Variants in ADIPOR2 observed in about 807,000 individuals in gnomAD.
ADIPOR2 encodes the protein adiponectin receptor 2, also known as adiponectin receptor protein 2.
Under a neutral mutation model 40.9 loss-of-function variants are expected in ADIPOR2, and 18 were observed. The ratio of observed to expected loss-of-function variants is 0.44; its 90% CI spans 0.30 to 0.65. The LOEUF is 0.65. Among genes scored for constraint, ADIPOR2 ranks in the 30% least tolerant of loss-of-function variants. The probability of loss-of-function intolerance (pLI) is 0.09; values close to 1 mark genes in which losing one functional copy is unlikely to be tolerated. For missense variants in ADIPOR2, 283 were observed against 479.2 expected, an observed-to-expected ratio of 0.59 and a Z score of 3.82; for synonymous variants, 165 against 166.4, an observed-to-expected ratio of 0.99 and a Z score of 0.06.
Position 1,787,060 on chromosome 12 carries a change from G to A in ADIPOR2, c.*988G>A, listed in dbSNP as rs1453317259. ...CACTTTTATGGGAAGTCTTATTAGA[G>A]GGATGGGACAGTTTTCCATATCCTT... On this transcript the variant is annotated 3_prime_UTR_variant, in exon 8 of 8. Transcript: ENST00000357103. 6.6e-6 allele frequency: 1 copy of A among 152,196 alleles called. No homozygotes were observed. Among genetic ancestry groups the A allele is most frequent in the African/African-American group, 2.4e-5 (1 of 41,424 alleles). 9.4% of individuals were successfully genotyped at this position (152,196 alleles called of 1,614,324 possible).
intron 1 of ADIPOR2, among the ~76,000 whole-genome samples, chr12:1,711,862 A>T (rs2094677972): frequency 6.6e-6 from 1 of 151,946 alleles, no homozygotes. Context: ...TGATTTCCTT[A>T]TGGTATTTAA....
chr12:1,727,859 A>T (rs1414219933), intron 1 of ADIPOR2, among the ~76,000 whole-genome samples: 2 of 124,616 alleles, frequency 1.6e-5, no homozygotes, highest in African/African-American at 2.9e-5. Context: ...AACACTGTTT[A>T]AAAAAAAAAA....
intron 6 of ADIPOR2, among the ~76,000 whole-genome samples, 176 bp from the exon 7 acceptor site, chr12:1,783,704 G>T (rs1862771477): frequency 6.6e-6 from 1 of 152,204 alleles, no homozygotes. Flanking sequence ...GTGTTGTCTT[G>T]TGTGACAGTG....
At chr12:1,718,685 A>G (rs1053463162) in intron 1 of ADIPOR2, among the ~76,000 whole-genome samples, 3 of 152,216 alleles carry the variant, frequency 2.0e-5, no homozygotes, top group Non-Finnish European at 2.9e-5. Flanking sequence ...TCATCTTTTT[A>G]TCACTTTGGG....
chr12:1,701,721 CATT>C (rs959366071), intron 1 of ADIPOR2, among the ~76,000 whole-genome samples: 1 of 152,080 alleles, frequency 6.6e-6, no homozygotes, highest in Non-Finnish European at 1.5e-5. Context: ...TGTTGATAGG[CATT>C]TAGATTGTTT....
chr12:1,694,902 G>A (rs1377006509), intron 1 of ADIPOR2, among the ~76,000 whole-genome samples: 1 of 151,736 alleles, frequency 6.6e-6, no homozygotes, highest in Non-Finnish European at 1.5e-5. Context: ...TTCTCCTATT[G>A]CAAACATCTT....
chr12:1,748,446 C>T (rs1050591251), intron 1 of ADIPOR2, among the ~76,000 whole-genome samples: 1 of 151,972 alleles, frequency 6.6e-6, no homozygotes, highest in South Asian at 2.1e-4. Flanking sequence ...GATGGGGTTT[C>T]ACCGTGTTAG....
Position 1,777,937 on chromosome 12 carries a change from C to T in ADIPOR2, c.375C>T (p.His125=), listed in dbSNP as rs140967174. 113 of 1,613,986 alleles carry T rather than the reference C, an allele frequency of 7.0e-5. No homozygotes were observed. Among genetic ancestry groups the T allele is most frequent in the Non-Finnish European group, 9.4e-5 (111 of 1,180,004 alleles). The part of the protein sequence containing the change: ...LKDNDFLLHG[H]RPPMPSFRAC... ...ATAATGACTTCCTCTTGCATGGACA[C>T]CGGCCTCCTATGCCTTCTTTCCGGG... The change falls in exon 4 of 8, where the codon CAC becomes CAT. Residue 125 remains histidine (H), a synonymous_variant. Transcript: ENST00000357103.
intron 1 of ADIPOR2, among the ~76,000 whole-genome samples, chr12:1,727,521 G>C (rs1213010261): frequency 1.3e-5 from 2 of 152,102 alleles, no homozygotes; most frequent in African/African-American, 4.8e-5. Context: ...CTCTCCAGAA[G>C]TCTTCCATGG....
intron 1 of ADIPOR2, among the ~76,000 whole-genome samples, chr12:1,744,932 T>C (rs952203776): frequency 6.6e-6 from 1 of 152,234 alleles, no homozygotes; most frequent in Non-Finnish European, 1.5e-5. Flanking sequence ...CATATCAGTA[T>C]GTGCAGTCTT....
intron 2 of ADIPOR2, among the ~76,000 whole-genome samples, chr12:1,754,949 A>G (rs1259149004): frequency 8.5e-6 from 1 of 117,182 alleles, no homozygotes; most frequent in Non-Finnish European, 2.1e-5. Context: ...TCCTTACCTC[A>G]GGTATCCTCC....
chr12:1,736,641 T>G (rs1016085809), intron 1 of ADIPOR2, among the ~76,000 whole-genome samples: 1 of 152,212 alleles, frequency 6.6e-6, no homozygotes, highest in Admixed American at 6.5e-5. Flanking sequence ...TAGTTATTTC[T>G]TGTTTTCTGC....
At chr12:1,745,046 GA>G (rs1440020108) in intron 1 of ADIPOR2, among the ~76,000 whole-genome samples, 1 of 152,158 alleles carries the variant, frequency 6.6e-6, no homozygotes, top group Admixed American at 6.5e-5. Flanking sequence ...CTGTTTGGTG[GA>G]TGCCCAGTGA....
At chr12:1,780,233 C>A (rs989584963) in intron 4 of ADIPOR2, 4 of 428,554 alleles carry the variant, frequency 9.3e-6, no homozygotes, top group East Asian at 7.6e-5. Context: ...TTTTTATATT[C>A]TGTATATTCA....
chr12:1,717,344 C>A (rs984446972), intron 1 of ADIPOR2, among the ~76,000 whole-genome samples: 3 of 152,024 alleles, frequency 2.0e-5, no homozygotes, highest in African/African-American at 7.3e-5. Flanking sequence ...AAATGTAATA[C>A]CCTCATCTTT....
chr12:1,783,484 C>T (rs1862767511), intron 6 of ADIPOR2, among the ~76,000 whole-genome samples: 1 of 150,646 alleles, frequency 6.6e-6, no homozygotes, highest in African/African-American at 2.4e-5. Flanking sequence ...ACTGCAGCCT[C>T]TGCCCCCGGC....
At chr12:1,733,559 C>T (rs1047308168) in intron 1 of ADIPOR2, among the ~76,000 whole-genome samples, 16 of 152,060 alleles carry the variant, frequency 1.1e-4, no homozygotes, top group African/African-American at 3.6e-4. Context: ...TGAATACATA[C>T]ATTTACAGGT....
rs556596926 is a variant in ADIPOR2 at position 1,750,781 on chromosome 12, A to G, written c.-86-3477A>G. Among the ~76,000 whole-genome samples the G allele has an allele frequency of 2.6e-5, 4 of 152,210 alleles. No individual in the cohort carries two copies. The East Asian group carries it at 7.7e-4, about 29-fold the overall frequency. On this transcript the variant is annotated intron_variant, in intron 1 of 7. Coordinates refer to ENST00000357103, the MANE Select transcript of ADIPOR2 (RefSeq NM_024551.3). Reference sequence around the variant, plus strand: ...TGAAGGCTGTTGAAATCCATATATCAATTTTATGCCCCATCACATTGATGA... The same window carrying G: ...TGAAGGCTGTTGAAATCCATATATCGATTTTATGCCCCATCACATTGATGA...
intron 1 of ADIPOR2, among the ~76,000 whole-genome samples, chr12:1,748,373 C>G (rs541737056): frequency 6.6e-6 from 1 of 152,052 alleles, no homozygotes; most frequent in African/African-American, 2.4e-5. Context: ...CTCAGCCTCC[C>G]GAGTAGCTGG....
Sources: allele counts gnomAD v4.1 joint callset (sites outside exome capture counted in the v4.1 genomes callset), GRCh38; gene constraint gnomAD v4.1.1; transcripts MANE v1.5; gene names NCBI Gene and HGNC (gene_info 2026-07-23, HGNC 2026-07-21).